RASGRF1: variants seen among roughly 807,000 people sequenced by gnomAD.
RASGRF1 encodes ras-specific guanine nucleotide-releasing factor 1.
In RASGRF1, 40 loss-of-function variants were observed where a neutral mutation model predicts 138.7. That is an observed-to-expected ratio of 0.29 (90% confidence interval 0.22 to 0.38). RASGRF1 has a LOEUF of 0.38. RASGRF1 is among the 10% of genes least tolerant of loss of function. The pLI is 1.00. For synonymous variants in RASGRF1, 614 were observed against 663.2 expected, an observed-to-expected ratio of 0.93 and a Z score of 1.14; for missense variants, 1,108 against 1,650.4, an observed-to-expected ratio of 0.67 and a Z score of 5.69.
In RASGRF1 at chr15:79,027,883, G is replaced by A. The variant is rs764019162; in HGVS notation, c.1263-24C>T. On this transcript the variant is annotated intron_variant, in intron 8 of 26. Coordinates refer to ENST00000558480, the MANE Select transcript of RASGRF1 (RefSeq NM_001145648.3). This position sits in a 1 kb window ranked among gnomAD's most constrained non-coding sequence, Gnocchi z 4.8. ...TTCTGTGGGGATGGGAAACTGCACA[G>A]TCAGAGACAGGCTGCCCCTACTTCC... 6.2e-7 allele frequency: 1 copy of A among 1,610,450 alleles called. No homozygotes were observed. Among genetic ancestry groups the A allele is most frequent in the South Asian group, 1.1e-5 (1 of 91,008 alleles).
chr15:78,996,672 G>GGGGGGCTCCACACACTCCT (rs1417519427), intron 19 of RASGRF1, among the ~76,000 whole-genome samples: 7 of 152,142 alleles, frequency 4.6e-5, no homozygotes, highest in African/African-American at 1.7e-4. Context: ...TATGCTCGGT[G>GGGGGGCTCCACACACTCCT]GGGGGCTCCA....
At position 79,006,790 on chromosome 15, in the gene RASGRF1, T is replaced by G. The variant is rs1785298992; in HGVS notation, c.1827-356A>C. Among the ~76,000 whole-genome samples the G allele has an allele frequency of 6.6e-6, 1 of 152,152 alleles. No individual in the cohort carries two copies. The highest frequency in any genetic ancestry group is 2.1e-4 in the South Asian group (1 of 4,820). On this transcript the variant is annotated intron_variant, in intron 13 of 26. Transcript: ENST00000558480. The surrounding 1 kb of genome is among the most constrained non-coding windows in gnomAD (Gnocchi z 4.0). ...ACTTTGGGAGGCTGAGGTGGGAGGA[T>G]CACTTGAGGTCAGGAGCTCAAGACC... is the stretch of plus-strand genomic sequence containing the variant.
chr15:79,082,954 T>G (rs1006511952), intron 1 of RASGRF1, among the ~76,000 whole-genome samples: 1 of 152,232 alleles, frequency 6.6e-6, no homozygotes, highest in Non-Finnish European at 1.5e-5. Flanking sequence ...CCCCAGCTGC[T>G]GCAATTTACT....
intron 5 of RASGRF1, among the ~76,000 whole-genome samples, chr15:79,036,904 T>C (rs1353644626): frequency 6.6e-6 from 1 of 152,004 alleles, no homozygotes; most frequent in Non-Finnish European, 1.5e-5. Context: ...AAAGGAAAAC[T>C]GAGAAAGACC....
At chr15:78,986,348 A>G (rs911067240) in intron 22 of RASGRF1, among the ~76,000 whole-genome samples, 42 of 148,408 alleles carry the variant, frequency 2.8e-4, no homozygotes, top group African/African-American at 9.9e-4. Context: ...ACTTTCTAAG[A>G]CTCTTTTTTT....
At chr15:79,039,982 T>C (rs984468803) in intron 5 of RASGRF1, among the ~76,000 whole-genome samples, 11 of 152,100 alleles carry the variant, frequency 7.2e-5, no homozygotes, top group African/African-American at 2.7e-4. Context: ...TTGCCCGGGC[T>C]GGCCTTGAAT....
At chr15:79,018,961 C>G (rs963617521) in intron 11 of RASGRF1, among the ~76,000 whole-genome samples, 1 of 152,154 alleles carries the variant, frequency 6.6e-6, no homozygotes, top group African/African-American at 2.4e-5. Context: ...GCTGCCTCCT[C>G]GTTTATTCTT....
At chr15:78,976,325 T>C (rs1044804748) in intron 24 of RASGRF1, among the ~76,000 whole-genome samples, 1 of 152,094 alleles carries the variant, frequency 6.6e-6, no homozygotes, top group African/African-American at 2.4e-5. Context: ...CCTGGCCGCA[T>C]TGGAAGAAGA....
At chr15:79,072,307 ACT>A (rs1231687109) in intron 1 of RASGRF1, among the ~76,000 whole-genome samples, 1 of 68,494 alleles carries the variant, frequency 1.5e-5, no homozygotes, top group Non-Finnish European at 2.7e-5. Context: ...ACGCAGTCTC[ACT>A]CTGTTGCCCA....
At chr15:78,997,507 C>T (rs1301927115) in intron 19 of RASGRF1, among the ~76,000 whole-genome samples, 3 of 152,098 alleles carry the variant, frequency 2.0e-5, no homozygotes, top group Admixed American at 6.5e-5. Flanking sequence ...CCGAGGTGGG[C>T]AGATCGCCTG....
At chr15:79,012,454 C>A in intron 13 of RASGRF1, 3 of 1,406,364 alleles carry the variant, frequency 2.1e-6, no homozygotes, top group Non-Finnish European at 3.0e-6. Flanking sequence ...CTCTCTCTCA[C>A]TAAACGATGA....
chr15:79,052,799 A>G (rs1033771866), intron 3 of RASGRF1, among the ~76,000 whole-genome samples: 4 of 152,086 alleles, frequency 2.6e-5, no homozygotes, highest in Non-Finnish European at 4.4e-5. Flanking sequence ...CCAGGGCAGC[A>G]GGTCTTGGGA....
intron 18 of RASGRF1, 100 bp from the exon 19 acceptor site, chr15:78,998,308 G>A: frequency 9.8e-7 from 1 of 1,018,284 alleles, no homozygotes; most frequent in Non-Finnish European, 1.5e-6. Flanking sequence ...TTTCTATTCT[G>A]CCCAGGGCAG....
chr15:79,023,241 T>C (rs1486964363), intron 10 of RASGRF1, among the ~76,000 whole-genome samples: 1 of 151,624 alleles, frequency 6.6e-6, no homozygotes, highest in Non-Finnish European at 1.5e-5. Flanking sequence ...TCCAAGGTGA[T>C]GAATGCAGGG....
chr15:79,001,432 G>A (rs988864250), intron 16 of RASGRF1, among the ~76,000 whole-genome samples: 1 of 147,810 alleles, frequency 6.8e-6, no homozygotes, highest in African/African-American at 2.5e-5. Flanking sequence ...ACTTGGTTGA[G>A]TTGAAGAGCA....
chr15:79,052,945 T>C (rs1429608593), intron 3 of RASGRF1, among the ~76,000 whole-genome samples: 2 of 152,122 alleles, frequency 1.3e-5, no homozygotes, highest in Non-Finnish European at 2.9e-5. Context: ...TTTTGTATAT[T>C]GGGGTTCCAC....
chr15:79,027,603 G>C lies in RASGRF1; in HGVS notation c.1381+138C>G. On this transcript the variant is annotated intron_variant, in intron 9 of 26. Coordinates refer to ENST00000558480, the MANE Select transcript of RASGRF1 (RefSeq NM_001145648.3). This position sits in a 1 kb window ranked among gnomAD's most constrained non-coding sequence, Gnocchi z 4.8. ...AGCTGTTGCATTCCGCCAGCAGCCT[G>C]GGAATATTCTGCAATCACATTGGCA... is the stretch of plus-strand genomic sequence containing the variant. 2.9e-6 allele frequency: 2 copies of C among 697,502 alleles called. No individual in the cohort carries two copies. Among genetic ancestry groups the C allele is most frequent in the South Asian group, 1.8e-5 (1 of 56,840 alleles). 43.2% of individuals were successfully genotyped at this position (697,502 alleles called of 1,614,324 possible). A position where few individuals can be genotyped will look rare whatever the true frequency, so the allele number is the denominator to read the frequency against.
At chr15:79,003,707 G>T in intron 15 of RASGRF1, 95 bp downstream of exon 15, 1 of 1,490,828 alleles carries the variant, frequency 6.7e-7, no homozygotes, top group South Asian at 1.3e-5. Context: ...TTCCCCATGG[G>T]AGCAGGAAGA....
chr15:79,002,308 T>C (rs372551500), intron 15 of RASGRF1, among the ~76,000 whole-genome samples: 13 of 152,288 alleles, frequency 8.5e-5, no homozygotes, highest in African/African-American at 3.1e-4. Flanking sequence ...GGCTTCCTAA[T>C]CTTGGGAGAC....
Sources: allele counts gnomAD v4.1 joint callset (sites outside exome capture counted in the v4.1 genomes callset), GRCh38; gene constraint gnomAD v4.1.1; non-coding constraint Gnocchi (gnomAD v3.1); transcripts MANE v1.5; gene names NCBI Gene and HGNC (gene_info 2026-07-23, HGNC 2026-07-21).